Variants in GALNT13 observed in about 807,000 individuals in gnomAD.
GALNT13 encodes UDP-GalNAc:polypeptide N-acetylgalactosaminyltransferase 13.
In GALNT13, 28 loss-of-function variants were observed where a neutral mutation model predicts 64.2. That is an observed-to-expected ratio of 0.44 (90% CI 0.32 to 0.60). GALNT13 has a LOEUF of 0.60. Among genes scored for constraint, GALNT13 ranks in the 20% least tolerant of loss-of-function variants. The pLI, the probability that GALNT13 is intolerant of heterozygous loss-of-function variation, is 0.05. For synonymous variants in GALNT13, 214 were observed against 224.6 expected, an observed-to-expected ratio of 0.95 and a Z score of 0.42; for missense variants, 577 against 669.8, an observed-to-expected ratio of 0.86 and a Z score of 1.53.
chr2:154,430,624 C>G (rs767977837), intron 11 of GALNT13, among the ~76,000 whole-genome samples: 9 of 152,126 alleles, frequency 5.9e-5, no homozygotes, highest in Admixed American at 2.6e-4. Context: ...AAAGCAGTGT[C>G]AGGTTTTGAG....
At chr2:153,199,563 C>T in the GALNT13 span, among the ~76,000 whole-genome samples, 1 of 152,192 alleles carries the variant, frequency 6.6e-6, no homozygotes. Flanking sequence ...GCTCTACTCC[C>T]AGGCCTCTTG....
chr2:154,331,167 G>T (rs1247419861), intron 9 of GALNT13, among the ~76,000 whole-genome samples: 2 of 151,936 alleles, frequency 1.3e-5, no homozygotes, highest in Admixed American at 1.3e-4. Context: ...CAAGGCAGTG[G>T]CTATACATGA....
chr2:153,708,873 T>C, the GALNT13 span, among the ~76,000 whole-genome samples: 3 of 152,076 alleles, frequency 2.0e-5, no homozygotes, highest in East Asian at 5.8e-4. Flanking sequence ...TTGACAAAGA[T>C]GCCAAAGGGG....
chr2:153,077,349 G>A, the GALNT13 span, among the ~76,000 whole-genome samples: 1 of 152,232 alleles, frequency 6.6e-6, no homozygotes, highest in East Asian at 1.9e-4. Flanking sequence ...AAAAATCTGA[G>A]TCACAATAAA....
At chr2:153,503,056 C>G in the GALNT13 span, among the ~76,000 whole-genome samples, 1 of 152,108 alleles carries the variant, frequency 6.6e-6, no homozygotes, top group Non-Finnish European at 1.5e-5. Context: ...CTGATTATTT[C>G]TTTTGCTGTG....
chr2:154,030,171 A>C (rs1194184844), intron 3 of GALNT13, among the ~76,000 whole-genome samples: 2 of 151,682 alleles, frequency 1.3e-5, no homozygotes, highest in Non-Finnish European at 2.9e-5. Context: ...GAAAAAAATC[A>C]ATGAGAGACA....
At chr2:153,941,126 C>T (rs954243203) in intron 2 of GALNT13, among the ~76,000 whole-genome samples, 4 of 152,072 alleles carry the variant, frequency 2.6e-5, no homozygotes, top group South Asian at 4.1e-4. Flanking sequence ...GCACTATCTC[C>T]GTTCCATTAC....
intron 9 of GALNT13, among the ~76,000 whole-genome samples, chr2:154,339,929 G>A (rs753771337): frequency 4.6e-5 from 7 of 152,044 alleles, no homozygotes; most frequent in Non-Finnish European, 1.0e-4. Flanking sequence ...CAGTTGCAAT[G>A]CATGTTTTGT....
intron 12 of GALNT13, chr2:154,445,677 G>T: frequency 5.1e-6 from 2 of 388,376 alleles, no homozygotes; most frequent in East Asian, 8.3e-5. Flanking sequence ...TTTTACTGTG[G>T]AAGATAAATC....
intron 4 of GALNT13, among the ~76,000 whole-genome samples, chr2:154,159,846 C>G (rs1035278269): frequency 6.6e-6 from 1 of 152,124 alleles, no homozygotes; most frequent in African/African-American, 2.4e-5. Flanking sequence ...CACATTATTA[C>G]AATTAAAGTT....
At chr2:153,403,969 A>G in the GALNT13 span, among the ~76,000 whole-genome samples, 1 of 152,136 alleles carries the variant, frequency 6.6e-6, no homozygotes, top group African/African-American at 2.4e-5. Context: ...ACAGATTTTT[A>G]TTTTGAAATT....
intron 4 of GALNT13, among the ~76,000 whole-genome samples, chr2:154,188,603 TCTC>T (rs545112097): frequency 2.8e-4 from 42 of 152,156 alleles, no homozygotes; most frequent in Non-Finnish European, 5.6e-4. Flanking sequence ...AGAATATTAA[TCTC>T]CTAACAGCAA....
chr2:153,206,518 C>T, the GALNT13 span, among the ~76,000 whole-genome samples: 7 of 151,856 alleles, frequency 4.6e-5, no homozygotes, highest in African/African-American at 1.7e-4. Context: ...ATTCATAGTG[C>T]TGGAGTAGGG....
At chr2:153,867,504 A>C (rs6434940), upstream of GALNT13, among the ~76,000 whole-genome samples, 135,209 of 152,006 alleles carry the variant, frequency 0.89, 60,902 homozygotes, top group Non-Finnish European at 0.94. Context: ...CCTCCCCAAC[A>C]TTTTTGGCCC....
chr2:153,505,412 G>GTTGGGT, the GALNT13 span, among the ~76,000 whole-genome samples: 1 of 151,922 alleles, frequency 6.6e-6, no homozygotes, highest in Non-Finnish European at 1.5e-5. Flanking sequence ...CTTTTCTTCT[G>GTTGGGT]TTGGGTTTGG....
intron 4 of GALNT13, among the ~76,000 whole-genome samples, chr2:154,176,338 G>A (rs367813844): frequency 2.0e-5 from 3 of 150,852 alleles, no homozygotes; most frequent in Non-Finnish European, 4.4e-5. Flanking sequence ...GCAGTGGCGC[G>A]ATCTTGGCTC....
chr2:153,262,106 C>T, the GALNT13 span, among the ~76,000 whole-genome samples: 1 of 152,224 alleles, frequency 6.6e-6, no homozygotes, highest in African/African-American at 2.4e-5. Flanking sequence ...CTTTACTGTT[C>T]TCTCTTCTTT....
the GALNT13 span, among the ~76,000 whole-genome samples, chr2:153,291,301 AT>A: frequency 1.3e-5 from 2 of 152,156 alleles, no homozygotes; most frequent in Admixed American, 6.5e-5. Context: ...TTTTATCTTT[AT>A]TAGTAGAGCA....
At chr2:154,300,253 T>G (rs1693363446) in intron 8 of GALNT13, among the ~76,000 whole-genome samples, 1 of 151,854 alleles carries the variant, frequency 6.6e-6, no homozygotes, top group South Asian at 2.1e-4. Flanking sequence ...CAGGCGTGTG[T>G]CACCACATCC....
Sources: gnomAD v4.1 joint callset for allele counts (sites outside exome capture counted in the v4.1 genomes callset) on GRCh38, gnomAD v4.1.1 for gene constraint, MANE v1.5 for transcripts, NCBI Gene and HGNC (gene_info 2026-07-23, HGNC 2026-07-21) for gene names.